Variants in GLIS3 observed in about 807,000 individuals in gnomAD.
GLIS3 encodes zinc finger protein GLIS3.
A neutral mutation model predicts 78.6 loss-of-function variants in GLIS3; 53 were observed. That is an observed-to-expected ratio of 0.67 (90% CI 0.54 to 0.85). The LOEUF (loss-of-function observed/expected upper bound fraction) is 0.85, where lower values mean the gene tolerates loss of function less well. GLIS3 is among the 40% of genes least tolerant of loss of function. The probability of loss-of-function intolerance (pLI) is 0.00; values close to 1 mark genes in which losing one functional copy is unlikely to be tolerated. For missense variants in GLIS3, 1,703 were observed against 1,231.1 expected (o/e 1.38, Z -5.74); for synonymous variants, 684 against 509.9 (o/e 1.34, Z -4.60).
At chr9:4,182,387 C>A (rs1205141228) in intron 2 of GLIS3, among the ~76,000 whole-genome samples, 1 of 152,164 alleles carries the variant, frequency 6.6e-6, no homozygotes, top group Non-Finnish European at 1.5e-5. Flanking sequence ...TGAGAAATAC[C>A]TGATTTTCCC....
the GLIS3 span, among the ~76,000 whole-genome samples, chr9:4,390,687 G>A: frequency 6.6e-6 from 1 of 152,214 alleles, no homozygotes; most frequent in African/African-American, 2.4e-5. Context: ...CAGGCTAGAA[G>A]ATCCAGAGTT....
At chr9:4,240,516 C>CA (rs200422063) in intron 2 of GLIS3, among the ~76,000 whole-genome samples, 18 of 149,142 alleles carry the variant, frequency 1.2e-4, no homozygotes, top group South Asian at 8.6e-4. Flanking sequence ...ATTTTCTCTC[C>CA]AAAAAAAAAC....
chr9:4,390,197 G>C, the GLIS3 span, among the ~76,000 whole-genome samples: 6 of 152,174 alleles, frequency 3.9e-5, no homozygotes, highest in African/African-American at 1.4e-4. Context: ...AAGTTGGAGG[G>C]GGAAAGCAGC....
intron 2 of GLIS3, among the ~76,000 whole-genome samples, chr9:4,216,016 G>C (rs565780751): frequency 6.6e-6 from 1 of 152,298 alleles, no homozygotes; most frequent in African/African-American, 2.4e-5. Context: ...TGATGGTCCA[G>C]TTGCGGCCTT....
chr9:3,859,367 AC>A lies in GLIS3; in HGVS notation c.2298-3184del, dbSNP rs1820013362. Among the ~76,000 whole-genome samples, 56 of 13,512 alleles carry A rather than the reference AC, an allele frequency of 4.1e-3. 1 individual carries two copies. The highest frequency in any genetic ancestry group is 0.023 in the Admixed American group (29 of 1,284). 8.9% of individuals were successfully genotyped at this position (13,512 alleles called of 152,430 possible). The stretch of plus-strand genomic sequence containing the variant: ...TTCTTCGAAACACACACACACACAC[AC>A]ACACACACACACACACACACACACA... On this transcript the variant is annotated intron_variant, in intron 8 of 10. Coordinates refer to ENST00000381971, the MANE Select transcript of GLIS3 (RefSeq NM_001042413.2).
chr9:4,444,921 C>T, the GLIS3 span, among the ~76,000 whole-genome samples: 3 of 152,214 alleles, frequency 2.0e-5, no homozygotes, highest in Non-Finnish European at 2.9e-5. Context: ...GATGTCAAAA[C>T]ATCTCATAAG....
At chr9:3,955,058 G>A (rs1817004581) in intron 4 of GLIS3, among the ~76,000 whole-genome samples, 1 of 152,218 alleles carries the variant, frequency 6.6e-6, no homozygotes, top group South Asian at 2.1e-4. Context: ...ACGTAGAGGG[G>A]ACAAGGGGAC....
chr9:4,314,155 G>C (rs1484102960), intron 2 of GLIS3, among the ~76,000 whole-genome samples: 1 of 152,196 alleles, frequency 6.6e-6, no homozygotes, highest in Admixed American at 6.5e-5. Context: ...TATCTCATAG[G>C]ATGGTCATGA....
Position 4,118,825 on chromosome 9 carries a change from T to C in GLIS3, c.653A>G (p.Gln218Arg). The C allele has an allele frequency of 1.2e-6, 2 of 1,606,768 alleles. No homozygotes were observed. Among genetic ancestry groups the C allele is most frequent in the Non-Finnish European group, 8.5e-7 (1 of 1,179,954 alleles). ...CTCCTGCTTCATGCTTGAGGCCGAC[T>C]GACTTTCCGTCAGACTCAAGGTCGT... ...ASTTLSLTES[Q>R]SASSMKQEWS... The change falls in exon 4 of 11, where the codon CAG becomes CGG. Residue 218 changes from glutamine (Q) to arginine (R), a missense_variant. By Grantham distance (43) the Gln-to-Arg change is conservative (BLOSUM62 1). Coordinates refer to ENST00000381971, the MANE Select transcript of GLIS3 (RefSeq NM_001042413.2). This position sits in a 1 kb window ranked among gnomAD's most constrained non-coding sequence, Gnocchi z 4.7.
chr9:4,219,077 C>G (rs1256979976), intron 2 of GLIS3, among the ~76,000 whole-genome samples: 1 of 152,226 alleles, frequency 6.6e-6, no homozygotes, highest in Non-Finnish European at 1.5e-5. Flanking sequence ...AAAGCAATGA[C>G]TGATTTACCA....
chr9:4,202,094 C>T (rs1276483498), intron 2 of GLIS3, among the ~76,000 whole-genome samples: 5 of 151,700 alleles, frequency 3.3e-5, no homozygotes, highest in South Asian at 2.1e-4. Context: ...GCCAAGGTCA[C>T]GCCACTACAG....
the GLIS3 span, among the ~76,000 whole-genome samples, chr9:4,441,078 T>C: frequency 6.6e-6 from 1 of 152,236 alleles, no homozygotes; most frequent in East Asian, 1.9e-4. Flanking sequence ...TTTCTGTATG[T>C]AAGATCATGT....
At chr9:4,342,792 C>T (rs969572472) in intron 2 of GLIS3, among the ~76,000 whole-genome samples, 29 of 152,178 alleles carry the variant, frequency 1.9e-4, no homozygotes, top group Non-Finnish European at 4.1e-4. Flanking sequence ...GTAATTCTCA[C>T]TGTAGAGATC....
the GLIS3 span, among the ~76,000 whole-genome samples, chr9:4,358,951 T>G: frequency 6.6e-6 from 1 of 152,218 alleles, no homozygotes; most frequent in Non-Finnish European, 1.5e-5. Context: ...AAGATGTGGC[T>G]GGGTTCCTAA....
intron 4 of GLIS3, among the ~76,000 whole-genome samples, chr9:4,082,160 G>A (rs904993418): frequency 1.3e-5 from 2 of 152,108 alleles, no homozygotes; most frequent in African/African-American, 2.4e-5. Context: ...CAAAACCAAG[G>A]GAAATAATTG....
rs532067041 is a variant in GLIS3, at chr9:3,957,776, T to A, written c.1711-20587A>T. Among the ~76,000 whole-genome samples, 3 of 152,326 alleles carry A rather than the reference T, an allele frequency of 2.0e-5. 1 individual carries two copies. The highest frequency in any genetic ancestry group is 1.3e-4 in the Admixed American group (2 of 15,294). ...AAAGGAAAGGGCTCTTTCATGTTTT[T>A]CCTTTTGTCTGAAAAATTAAGCATT... On this transcript the variant is annotated intron_variant, in intron 4 of 10. Coordinates refer to ENST00000381971, the MANE Select transcript of GLIS3 (RefSeq NM_001042413.2).
At chr9:4,472,111 G>T in the GLIS3 span, among the ~76,000 whole-genome samples, 513 of 152,294 alleles carry the variant, frequency 3.4e-3, 4 homozygotes, top group African/African-American at 0.012. Flanking sequence ...GAAACAACAG[G>T]TACTGGAGAG....
At position 3,828,419 on chromosome 9, in the gene GLIS3, A is replaced by G; in HGVS notation, c.2657-11T>C. 1 of 1,612,622 alleles carries G rather than the reference A, an allele frequency of 6.2e-7. No individual in the cohort carries two copies. Among genetic ancestry groups the G allele is most frequent in the Non-Finnish European group, 8.5e-7 (1 of 1,179,986 alleles). ...AAGGTAAATCATACACTGGAAGAGA[A>G]AGAACGCAGTTAAGTCAGTAACTCC... On this transcript the variant is annotated splice_polypyrimidine_tract_variant and intron_variant, in intron 10 of 10. Coordinates refer to ENST00000381971, the MANE Select transcript of GLIS3 (RefSeq NM_001042413.2).
At chr9:4,392,441 G>A in the GLIS3 span, among the ~76,000 whole-genome samples, 2 of 152,192 alleles carry the variant, frequency 1.3e-5, no homozygotes, top group South Asian at 2.1e-4. Flanking sequence ...ATCTTTCCCA[G>A]GGGATCTTAG....
Sources: gnomAD v4.1 joint callset for allele counts (sites outside exome capture counted in the v4.1 genomes callset) on GRCh38, gnomAD v4.1.1 for gene constraint, Gnocchi (gnomAD v3.1) non-coding constraint, MANE v1.5 for transcripts, NCBI Gene and HGNC (gene_info 2026-07-23, HGNC 2026-07-21) for gene names.